Variants in LACTB2 observed in about 807,000 individuals in gnomAD.
LACTB2 encodes the protein lactamase beta 2.
A neutral mutation model predicts 34.8 loss-of-function variants in LACTB2; 32 were observed. The observed-to-expected ratio is 0.92, with a 90% CI of 0.69 to 1.24. The LOEUF is 1.24. Ranked by LOEUF, LACTB2 falls within the 50% of genes most tolerant of loss-of-function variation. LACTB2 has a pLI of 0.00. For missense variants in LACTB2, 320 were observed against 345.0 expected, an observed-to-expected ratio of 0.93 and a Z score of 0.57; for synonymous variants, 120 against 117.5, an observed-to-expected ratio of 1.02 and a Z score of -0.14.
chr8:70,655,029 C>G (rs896182840), intron 3 of LACTB2: 1 of 152,168 alleles, frequency 6.6e-6, no homozygotes, highest in Non-Finnish European at 1.5e-5. Context: ...TATCCCTCAT[C>G]TCCCTCCCAC....
At chr8:70,651,585 G>C (rs550290377) in intron 3 of LACTB2, among the ~76,000 whole-genome samples, 1 of 151,798 alleles carries the variant, frequency 6.6e-6, no homozygotes, top group South Asian at 2.1e-4. Flanking sequence ...AAACTGTTTT[G>C]CTTGCAATGC....
intron 5 of LACTB2, 131 bp from the exon 6 acceptor site, chr8:70,638,760 G>GA: frequency 1.8e-6 from 1 of 556,212 alleles, no homozygotes; most frequent in Non-Finnish European, 2.5e-6. Flanking sequence ...TTTTTTTTTT[G>GA]AGACAGAGTC....
At chr8:70,643,527 TC>T (rs1818226683) in intron 4 of LACTB2, among the ~76,000 whole-genome samples, 1 of 141,190 alleles carries the variant, frequency 7.1e-6, no homozygotes, top group Non-Finnish European at 1.6e-5. Flanking sequence ...GTTTTTTTTT[TC>T]CCCCAGACAG....
chr8:70,669,100 G>C lies in LACTB2; in HGVS notation c.21C>G (p.Arg7=). 1 of 1,610,230 alleles carries C rather than the reference G, an allele frequency of 6.2e-7. No individual in the cohort carries two copies. Among genetic ancestry groups the C allele is most frequent in the Non-Finnish European group, 8.5e-7 (1 of 1,178,666 alleles). The part of the protein sequence containing the change: MAAVLQ[R]VERLSNRVVR... ...CGACTCGATTGGACAGCCGCTCGAC[G>C]CGCTGCAGTACAGCAGCCATTCCCG... Residue 7 remains arginine, a synonymous_variant, in exon 1 of 7, where the codon CGC becomes CGG. Transcript: ENST00000276590.
chr8:70,656,082 A>G (rs1399251974), intron 3 of LACTB2, among the ~76,000 whole-genome samples: 1 of 152,076 alleles, frequency 6.6e-6, no homozygotes, highest in Non-Finnish European at 1.5e-5. Flanking sequence ...TCTGGATATT[A>G]GTCCTTTGTC....
chr8:70,645,361 G>A (rs1818250313), intron 3 of LACTB2, among the ~76,000 whole-genome samples: 1 of 152,134 alleles, frequency 6.6e-6, no homozygotes, highest in East Asian at 1.9e-4. Flanking sequence ...TCAAAGACAA[G>A]TATTTAAGTG....
intron 3 of LACTB2, among the ~76,000 whole-genome samples, chr8:70,647,700 C>T (rs1294518631): frequency 6.6e-6 from 1 of 152,134 alleles, no homozygotes; most frequent in Non-Finnish European, 1.5e-5. Context: ...AGCTGAGAAC[C>T]AATCAGATTT....
At chr8:70,652,347 G>A (rs406703) in intron 3 of LACTB2, among the ~76,000 whole-genome samples, 137,284 of 152,230 alleles carry the variant, frequency 0.9, 62,389 homozygotes, top group Middle Eastern at 0.97. Context: ...ATTGAAAACA[G>A]TTGGGCTTTT....
chr8:70,653,428 C>T (rs180865767), intron 3 of LACTB2, among the ~76,000 whole-genome samples: 13 of 152,200 alleles, frequency 8.5e-5, no homozygotes, highest in South Asian at 6.2e-4. Context: ...AGGAAACTGC[C>T]TAGAAACTAC....
intron 3 of LACTB2, among the ~76,000 whole-genome samples, chr8:70,651,457 C>G (rs1003088559): frequency 6.6e-6 from 1 of 152,002 alleles, no homozygotes; most frequent in Non-Finnish European, 1.5e-5. Context: ...CTTTGTGTGG[C>G]GATGTGTCAT....
chr8:70,639,958 A>G (rs35551482), intron 5 of LACTB2, among the ~76,000 whole-genome samples: 22,875 of 152,020 alleles, frequency 0.15, 2,428 homozygotes, highest in African/African-American at 0.3. Flanking sequence ...GCAAAACTCC[A>G]TCTCAAAAAA....
Position 70,657,888 on chromosome 8 carries a change from C to T in LACTB2, c.287-6G>A, listed in dbSNP as rs1401666530. ...TTTAATGCAATAGGTAGTGTCTAGT[C>T]ATAAAACATATAAAATATATTAATT... On this transcript the variant is annotated splice_polypyrimidine_tract_variant and splice_region_variant and intron_variant, in intron 2 of 6. Transcript: ENST00000276590. 1.3e-6 allele frequency: 2 copies of T among 1,563,688 alleles called. No individual in the cohort carries two copies. Among genetic ancestry groups the T allele is most frequent in the East Asian group, 2.3e-5 (1 of 44,280 alleles).
At chr8:70,644,550 C>T (rs1226708838) in intron 3 of LACTB2, among the ~76,000 whole-genome samples, 1 of 152,180 alleles carries the variant, frequency 6.6e-6, no homozygotes, top group African/African-American at 2.4e-5. Context: ...CAGGTCACTG[C>T]AGGCTCAATC....
intron 3 of LACTB2, among the ~76,000 whole-genome samples, chr8:70,655,492 G>T (rs575581295): frequency 6.6e-6 from 1 of 152,248 alleles, no homozygotes; most frequent in African/African-American, 2.4e-5. Flanking sequence ...AAAGTGCTGG[G>T]ATTACAGGTG....
intron 5 of LACTB2, chr8:70,640,683 T>A (rs1818184601): frequency 2.9e-6 from 1 of 346,142 alleles, no homozygotes; most frequent in African/African-American, 2.1e-5. Flanking sequence ...CATAGTTAAG[T>A]ATATAAAGTT....
At chr8:70,641,183 T>A (rs1818192857) in intron 4 of LACTB2, 133 bp from the exon 5 acceptor site, 1 of 847,026 alleles carries the variant, frequency 1.2e-6, no homozygotes, top group Admixed American at 3.9e-5. Context: ...AAATATGAAC[T>A]ATTTGGAAAG....
chr8:70,656,883 G>C (rs953638623), intron 3 of LACTB2, among the ~76,000 whole-genome samples: 2 of 152,088 alleles, frequency 1.3e-5, no homozygotes, highest in African/African-American at 4.8e-5. Flanking sequence ...CCTGATTAGT[G>C]TGGTGGGCAA....
intron 3 of LACTB2, 159 bp from the exon 4 acceptor site, chr8:70,644,402 T>C (rs1303647891): frequency 8.4e-6 from 4 of 477,440 alleles, no homozygotes; most frequent in Non-Finnish European, 1.4e-5. Context: ...AAAATTATCA[T>C]TAGAAAATTC....
chr8:70,667,445 C>T (rs1269006094), intron 1 of LACTB2, among the ~76,000 whole-genome samples: 1 of 152,198 alleles, frequency 6.6e-6, no homozygotes, highest in Non-Finnish European at 1.5e-5. Context: ...ATTTCTAGCT[C>T]AACTATACGG....
Sources: allele counts gnomAD v4.1 joint callset (sites outside exome capture counted in the v4.1 genomes callset), GRCh38; gene constraint gnomAD v4.1.1; transcripts MANE v1.5; gene names NCBI Gene and HGNC (gene_info 2026-07-23, HGNC 2026-07-21).